Variants in DOCK3 observed in about 807,000 individuals in gnomAD.
DOCK3 encodes dedicator of cytokinesis protein 3.
Under a neutral mutation model 265.6 loss-of-function variants are expected in DOCK3, and 60 were observed. The ratio of observed to expected loss-of-function variants is 0.23; its 90% CI spans 0.18 to 0.28. The LOEUF is 0.28. DOCK3 is among the 10% of genes least tolerant of loss of function. The pLI, the probability that DOCK3 is intolerant of heterozygous loss-of-function variation, is 1.00. For missense variants in DOCK3, 1,981 were observed against 2,594.3 expected (o/e 0.76, Z 5.14); for synonymous variants, 881 against 938.0 (o/e 0.94, Z 1.11).
At chr3:51,336,686 T>A (rs2084900398) in intron 35 of DOCK3, among the ~76,000 whole-genome samples, 2 of 151,596 alleles carry the variant, frequency 1.3e-5, no homozygotes, top group Non-Finnish European at 2.9e-5. Flanking sequence ...AAAAAAAGAG[T>A]CTGCTGTCAG....
chr3:50,850,217 C>T (rs1013209368), intron 3 of DOCK3, among the ~76,000 whole-genome samples: 20 of 151,612 alleles, frequency 1.3e-4, no homozygotes, highest in East Asian at 7.8e-4. Flanking sequence ...AGAAATTAGT[C>T]GGCATGGTGG....
At chr3:50,778,871 C>T in intron 2 of DOCK3, 113 bp downstream of exon 2, 1 of 677,720 alleles carries the variant, frequency 1.5e-6, no homozygotes, top group East Asian at 3.0e-5. Flanking sequence ...TAATTAGTCA[C>T]ATGATGAAAT....
intron 2 of DOCK3, among the ~76,000 whole-genome samples, chr3:50,807,496 G>A (rs572549718): frequency 1.3e-5 from 2 of 152,028 alleles, no homozygotes; most frequent in African/African-American, 2.4e-5. Context: ...TTCCAACATC[G>A]GGGATCAAAT....
At chr3:50,684,495 C>T (rs955656752) in intron 1 of DOCK3, among the ~76,000 whole-genome samples, 1 of 152,080 alleles carries the variant, frequency 6.6e-6, no homozygotes, top group Admixed American at 6.5e-5. Flanking sequence ...CTTTCTCTTT[C>T]TTGAGCCTGT....
chr3:50,808,216 C>A (rs2043543603), intron 2 of DOCK3, among the ~76,000 whole-genome samples: 1 of 152,058 alleles, frequency 6.6e-6, no homozygotes, highest in Non-Finnish European at 1.5e-5. Context: ...AAATTAAGAT[C>A]TAAACAAATG....
chr3:51,250,309 A>AAAAACAAAAC (rs923493214), intron 22 of DOCK3, among the ~76,000 whole-genome samples: 4 of 151,650 alleles, frequency 2.6e-5, no homozygotes, highest in African/African-American at 9.7e-5. Flanking sequence ...ATAAAAAATA[A>AAAAACAAAAC]AAAACAAAAC....
At chr3:51,233,259 G>A (rs888700788) in intron 19 of DOCK3, among the ~76,000 whole-genome samples, 6 of 152,056 alleles carry the variant, frequency 3.9e-5, no homozygotes, top group Non-Finnish European at 4.4e-5. Flanking sequence ...CCATGAGCAC[G>A]GAAGGTTTTT....
At chr3:51,334,545 T>C (rs1395618142) in intron 35 of DOCK3, among the ~76,000 whole-genome samples, 1 of 152,138 alleles carries the variant, frequency 6.6e-6, no homozygotes, top group African/African-American at 2.4e-5. Flanking sequence ...GTCTTAAGCA[T>C]CCCCCCATTC....
At position 51,242,716 on chromosome 3, in the gene DOCK3, C is replaced by T. The variant is rs184891825; in HGVS notation, c.2103-4010C>T. ...AGCAAGGGTGGGGCACTGACAAGGA[C>T]GGGGCTGGCTGGCTCTGTGCCCACC... On this transcript the variant is annotated intron_variant, in intron 21 of 52. Coordinates refer to ENST00000266037, the MANE Select transcript of DOCK3 (RefSeq NM_004947.5). Among the ~76,000 whole-genome samples, 214 of 152,176 alleles carry T rather than the reference C, an allele frequency of 1.4e-3. 3 individuals carry two copies. Among genetic ancestry groups the T allele is most frequent in the Admixed American group, 0.014 (210 of 15,288 alleles).
At chr3:51,035,365 G>A (rs1466710253) in intron 5 of DOCK3, among the ~76,000 whole-genome samples, 1 of 152,010 alleles carries the variant, frequency 6.6e-6, no homozygotes, top group Admixed American at 6.6e-5. Flanking sequence ...CTGCCATTAA[G>A]CTCATGCAGT....
chr3:51,119,979 C>T (rs2083937039), intron 9 of DOCK3, among the ~76,000 whole-genome samples: 1 of 152,040 alleles, frequency 6.6e-6, no homozygotes, highest in Non-Finnish European at 1.5e-5. Flanking sequence ...TCATCAGACT[C>T]ATTCTCTGTC....
chr3:50,852,853 A>G lies in DOCK3; in HGVS notation c.162+11138A>G, dbSNP rs1159987849. Among the ~76,000 whole-genome samples, 3 of 152,214 alleles carry G rather than the reference A, an allele frequency of 2.0e-5. No individual in the cohort carries two copies. The East Asian group carries it at 5.8e-4, about 29-fold the overall frequency. On this transcript the variant is annotated intron_variant, in intron 3 of 52. Coordinates refer to ENST00000266037, the MANE Select transcript of DOCK3 (RefSeq NM_004947.5). ...TATACAATTCTAGGTGAAAATTTAAATACATCAATTTATTGTCTCCTGGCT... is the reference window on the plus strand; with the variant it reads ...TATACAATTCTAGGTGAAAATTTAAGTACATCAATTTATTGTCTCCTGGCT...
chr3:51,269,842 T>C (rs1002781374), intron 23 of DOCK3, among the ~76,000 whole-genome samples: 11 of 152,106 alleles, frequency 7.2e-5, no homozygotes, highest in African/African-American at 2.7e-4. Context: ...TATGTAAAAA[T>C]TTCCCTCATA....
At chr3:51,289,501 A>G (rs1188652025) in intron 27 of DOCK3, among the ~76,000 whole-genome samples, 1 of 152,232 alleles carries the variant, frequency 6.6e-6, no homozygotes, top group Admixed American at 6.5e-5. Context: ...GGAAGAAAAG[A>G]ACAAAGGATC....
intron 12 of DOCK3, among the ~76,000 whole-genome samples, chr3:51,187,949 C>T (rs1224228063): frequency 6.6e-6 from 1 of 152,002 alleles, no homozygotes; most frequent in East Asian, 1.9e-4. Context: ...GACTATGGTA[C>T]AGAATGATTT....
intron 9 of DOCK3, among the ~76,000 whole-genome samples, chr3:51,119,867 CTT>C: frequency 6.6e-6 from 1 of 151,848 alleles, no homozygotes; most frequent in Non-Finnish European, 1.5e-5. Flanking sequence ...TTCCTCTAAC[CTT>C]TTTTCAAGGT....
intron 7 of DOCK3, among the ~76,000 whole-genome samples, chr3:51,082,856 C>T (rs1264687279): frequency 6.6e-6 from 1 of 152,152 alleles, no homozygotes; most frequent in Admixed American, 6.5e-5. Flanking sequence ...CAGCTGTTGT[C>T]CCCATGTGCC....
chr3:50,719,268 C>CTTT (rs71084106), intron 1 of DOCK3, among the ~76,000 whole-genome samples: 7 of 138,660 alleles, frequency 5.0e-5, no homozygotes, highest in Non-Finnish European at 7.8e-5. Context: ...TAGATATTTT[C>CTTT]TTTTTTTTTT....
intron 14 of DOCK3, among the ~76,000 whole-genome samples, chr3:51,220,758 A>G (rs2090059786): frequency 6.7e-6 from 1 of 148,272 alleles, no homozygotes; most frequent in African/African-American, 2.5e-5. Context: ...AGAGCCTCCT[A>G]ATATGAAGTG....
Sources: gnomAD v4.1 joint callset for allele counts (sites outside exome capture counted in the v4.1 genomes callset) on GRCh38, gnomAD v4.1.1 for gene constraint, MANE v1.5 for transcripts, NCBI Gene and HGNC (gene_info 2026-07-23, HGNC 2026-07-21) for gene names.